The following ZNF675 variants were observed in gnomAD, a reference collection of about 807,000 sequenced individuals.
ZNF675 encodes TRAF6 inhibitory zinc finger.
ZNF675 carries 36 observed loss-of-function variants against 56.1 expected under a neutral mutation model. The observed-to-expected ratio is 0.64, with a 90% CI of 0.49 to 0.85. ZNF675 has a LOEUF of 0.85. Among genes scored for constraint, ZNF675 ranks in the 40% least tolerant of loss-of-function variants. The pLI is 0.00. For missense variants in ZNF675, 663 were observed against 654.2 expected (o/e 1.01, Z -0.15); for synonymous variants, 200 against 218.9 (o/e 0.91, Z 0.76).
intron 3 of ZNF675, among the ~76,000 whole-genome samples, chr19:23,659,327 T>C (rs1167724533): frequency 6.6e-6 from 1 of 151,826 alleles, no homozygotes; most frequent in African/African-American, 2.4e-5. Context: ...AGGAGTGAAA[T>C]TGGTAAGATG....
At chr19:23,676,121 T>C (rs982155406) in intron 1 of ZNF675, among the ~76,000 whole-genome samples, 4 of 151,520 alleles carry the variant, frequency 2.6e-5, no homozygotes, top group African/African-American at 9.8e-5. Context: ...AATAAATTCC[T>C]GGACAAATAC....
In ZNF675 at chr19:23,653,984, A is replaced by G. The variant is rs1443417533; in HGVS notation, c.949T>C (p.Cys317Arg). Residue 317 changes from cysteine (C) to arginine (R), a missense_variant, in exon 4 of 4, where the codon TGT (cysteine) becomes CGT (arginine). Around this residue, in one of 3 missense-constraint regions of ZNF675, gnomAD observed 617 missense variants for 590.5 expected, o/e 1.04. Coordinates refer to ENST00000359788, the MANE Select transcript of ZNF675 (RefSeq NM_138330.3). ...TGEQPYICEE[C>R]GKAFTQSSTL... is the part of the protein sequence containing the mutation. ...GAGGATTGGGTAAAAGCCTTGCCAC[A>G]TTCTTCACATATGTAGGGTTGCTCT... The G allele has an allele frequency of 2.5e-6, 4 of 1,613,818 alleles. No homozygotes were observed. Among genetic ancestry groups the G allele is most frequent in the African/African-American group, 2.7e-5 (2 of 74,932 alleles).
chr19:23,657,868 GGATA>G (rs1968008342), intron 3 of ZNF675, among the ~76,000 whole-genome samples: 1 of 151,910 alleles, frequency 6.6e-6, no homozygotes, highest in Non-Finnish European at 1.5e-5. Context: ...AATCTGATTG[GGATA>G]GATATGTGGC....
intron 1 of ZNF675, among the ~76,000 whole-genome samples, chr19:23,672,974 A>G (rs1464332225): frequency 6.6e-6 from 1 of 152,216 alleles, no homozygotes; most frequent in Non-Finnish European, 1.5e-5. Flanking sequence ...ATTAAGGCTT[A>G]GAGTGTCCAG....
rs1033205935 is a variant in ZNF675 at position 23,687,081 on chromosome 19, T to A, written c.-48A>T. On this transcript the variant is annotated 5_prime_UTR_variant, in exon 1 of 4. Transcript: ENST00000359788. ...GGAGTCTTAGCTGTGGATCTCTCAA[T>A]TTCTGCAGGTCACAGGCCCACAGAG... 2.2e-5 allele frequency: 36 copies of A among 1,611,894 alleles called. No individual in the cohort carries two copies. The highest frequency in any genetic ancestry group is 3.0e-5 in the Non-Finnish European group (35 of 1,178,534).
chr19:23,674,984 A>AAAG (rs1555707803), intron 1 of ZNF675, among the ~76,000 whole-genome samples: 6 of 138,788 alleles, frequency 4.3e-5, no homozygotes, highest in Admixed American at 7.2e-5. Context: ...AAAAAAAAAA[A>AAAG]AGAGAGAGAG....
chr19:23,664,865 C>T (rs1968129081), intron 1 of ZNF675, among the ~76,000 whole-genome samples: 1 of 152,104 alleles, frequency 6.6e-6, no homozygotes, highest in South Asian at 2.1e-4. Context: ...GCAGGAGAAT[C>T]GTTTAAACCT....
At chr19:23,677,368 G>C (rs895199098) in intron 1 of ZNF675, among the ~76,000 whole-genome samples, 8 of 151,690 alleles carry the variant, frequency 5.3e-5, no homozygotes, top group African/African-American at 1.5e-4. Flanking sequence ...AAAATTAGTA[G>C]CATCTCTGTA....
intron 1 of ZNF675, among the ~76,000 whole-genome samples, chr19:23,669,319 T>C (rs563405038): frequency 0.094 from 55 of 588 alleles, no homozygotes; most frequent in Middle Eastern, 0.5. Flanking sequence ...CCAGGGTGAA[T>C]CACATGTTTC....
chr19:23,654,971 C>T (rs1967963061), intron 3 of ZNF675: 1 of 270,768 alleles, frequency 3.7e-6, no homozygotes, highest in Admixed American at 4.9e-5. Context: ...TGCAGTGACT[C>T]ACACCTGTAC....
At position 23,654,320 on chromosome 19, in the gene ZNF675, A is replaced by G. The variant is rs758884532; in HGVS notation, c.613T>C (p.Cys205Arg). ...TKVNFCKCEE[C>R]EKAVNQSSKL... The stretch of plus-strand genomic sequence containing the variant: ...GAAGATTGGTTAACAGCTTTTTCAC[A>G]TTCTTCACATTTGCAGAAATTCACC... Residue 205 changes from cysteine (C) to arginine (R), a missense_variant, in exon 4 of 4, where the codon TGT becomes CGT. Cys to Arg is a radical substitution (Grantham distance 180, BLOSUM62 -3). This residue lies in a region of ZNF675 where 617 missense variants were observed against 590.5 expected (regional missense o/e 1.04). Transcript: ENST00000359788. The G allele has an allele frequency of 7.5e-6, 12 of 1,610,290 alleles. No individual in the cohort carries two copies. The highest frequency in any genetic ancestry group is 4.5e-5 in the East Asian group (2 of 44,832).
chr19:23,676,797 GGGCGCGGT>G (rs1968300584), intron 1 of ZNF675, among the ~76,000 whole-genome samples: 1 of 151,672 alleles, frequency 6.6e-6, no homozygotes, highest in Non-Finnish European at 1.5e-5. Context: ...CAAGACGGCC[GGGCGCGGT>G]GGCTCACGCC....
intron 1 of ZNF675, among the ~76,000 whole-genome samples, chr19:23,666,792 TTC>T (rs1478171533): frequency 1.5e-5 from 2 of 131,222 alleles, no homozygotes; most frequent in African/African-American, 5.7e-5. Flanking sequence ...TTCTCTCTCT[TTC>T]TCTCTCTCTC....
chr19:23,672,436 T>A (rs759875678), intron 1 of ZNF675, among the ~76,000 whole-genome samples: 17 of 152,156 alleles, frequency 1.1e-4, no homozygotes, highest in Non-Finnish European at 2.1e-4. Flanking sequence ...CTGCACAAGA[T>A]CTGAGAAGTT....
intron 1 of ZNF675, among the ~76,000 whole-genome samples, chr19:23,668,196 T>C (rs892575727): frequency 2.0e-5 from 3 of 150,150 alleles, no homozygotes; most frequent in Admixed American, 6.6e-5. Flanking sequence ...AGAGTGCCGA[T>C]TGGTGTATTT....
At chr19:23,662,269 G>A in intron 2 of ZNF675, 60 bp from the exon 3 acceptor site, 1 of 1,208,446 alleles carries the variant, frequency 8.3e-7, no homozygotes. Context: ...TACCAACCTA[G>A]TAATGTGCTC....
chr19:23,654,127 G>C lies in ZNF675; in HGVS notation c.806C>G (p.Ser269Ter), dbSNP rs1333288565. ...AATTATCTTATGTGTAGTAAGGTGT[G>C]AGGACTGGTTAAAGGCTTTGCCACA... is the stretch of plus-strand genomic sequence containing the variant. ...EECGKAFNQS[S>*]HLTTHKIIHT... The change falls in exon 4 of 4, where the codon TCA becomes TGA. Residue 269 changes from serine to a stop codon, truncating the protein, a stop_gained. Coordinates refer to ENST00000359788, the MANE Select transcript of ZNF675 (RefSeq NM_138330.3). LOFTEE classifies it high-confidence loss of function. The C allele has an allele frequency of 6.2e-7, 1 of 1,613,844 alleles. No homozygotes were observed. The highest frequency in any genetic ancestry group is 8.5e-7 in the Non-Finnish European group (1 of 1,180,004).
intron 1 of ZNF675, among the ~76,000 whole-genome samples, chr19:23,681,894 GGT>G (rs1968381095): frequency 6.6e-6 from 1 of 151,736 alleles, no homozygotes; most frequent in African/African-American, 2.4e-5. Context: ...CAGGAAAAAA[GGT>G]GGGGAAAAAT....
chr19:23,681,220 CAT>C (rs1422628899), intron 1 of ZNF675, among the ~76,000 whole-genome samples: 1 of 151,664 alleles, frequency 6.6e-6, no homozygotes, highest in Non-Finnish European at 1.5e-5. Flanking sequence ...TTCCAGGAGA[CAT>C]AGTCATTTTT....
Sources: allele counts gnomAD v4.1 joint callset (sites outside exome capture counted in the v4.1 genomes callset), GRCh38; gene constraint gnomAD v4.1.1; regional missense constraint gnomAD v4.1.1; transcripts MANE v1.5; gene names NCBI Gene and HGNC (gene_info 2026-07-23, HGNC 2026-07-21).